Variants in CAAP1 observed in about 807,000 individuals in gnomAD.
CAAP1 encodes conserved anti-apoptotic protein.
In CAAP1, 20 loss-of-function variants were observed where a neutral mutation model predicts 34.0. That is an observed-to-expected ratio of 0.59 (90% CI 0.41 to 0.86). The LOEUF (loss-of-function observed/expected upper bound fraction) is 0.86, where lower values mean the gene tolerates loss of function less well. Ranked by LOEUF, CAAP1 falls within the 40% of genes least tolerant of loss-of-function variation. The probability of loss-of-function intolerance (pLI) is 0.00; values close to 1 mark genes in which losing one functional copy is unlikely to be tolerated. For missense variants in CAAP1, 538 were observed against 450.5 expected (o/e 1.19, Z -1.76); for synonymous variants, 213 against 166.7 (o/e 1.28, Z -2.14).
intron 5 of CAAP1, among the ~76,000 whole-genome samples, chr9:26,845,750 G>A (rs1224650112): frequency 6.6e-6 from 1 of 152,124 alleles, no homozygotes; most frequent in African/African-American, 2.4e-5. Context: ...TGGCTGCAGT[G>A]TCCACATTAG....
At chr9:26,886,742 G>A (rs1024114411) in intron 2 of CAAP1, among the ~76,000 whole-genome samples, 2 of 152,164 alleles carry the variant, frequency 1.3e-5, no homozygotes, top group African/African-American at 4.8e-5. Flanking sequence ...GTCCAATTTA[G>A]TTACTATCAT....
intron 4 of CAAP1, among the ~76,000 whole-genome samples, chr9:26,880,886 C>G (rs10812487): frequency 0.3 from 45,664 of 151,826 alleles, 8,310 homozygotes; most frequent in East Asian, 0.75. Context: ...ATGTTGGCCA[C>G]GCTGGTCTCA....
At chr9:26,866,584 A>G (rs1180047701) in intron 4 of CAAP1, among the ~76,000 whole-genome samples, 1 of 152,230 alleles carries the variant, frequency 6.6e-6, no homozygotes, top group African/African-American at 2.4e-5. Flanking sequence ...ACACTCTGGT[A>G]TAACATTTCT....
chr9:26,847,361 C>A (rs1822642501), intron 5 of CAAP1, among the ~76,000 whole-genome samples: 1 of 151,294 alleles, frequency 6.6e-6, no homozygotes, highest in African/African-American at 2.4e-5. Context: ...ACTACAGGCG[C>A]CCGCCACCAC....
chr9:26,866,856 T>G (rs929001968), intron 4 of CAAP1, among the ~76,000 whole-genome samples: 1 of 152,142 alleles, frequency 6.6e-6, no homozygotes, highest in African/African-American at 2.4e-5. Context: ...TTACCCAAAA[T>G]CAATATACTG....
intron 4 of CAAP1, among the ~76,000 whole-genome samples, chr9:26,872,828 C>A (rs1343988848): frequency 6.6e-6 from 1 of 151,690 alleles, no homozygotes; most frequent in Non-Finnish European, 1.5e-5. Context: ...ATACATATTG[C>A]CTAAATGTAA....
chr9:26,883,821 G>T (rs1355384356), intron 4 of CAAP1, among the ~76,000 whole-genome samples: 1 of 152,060 alleles, frequency 6.6e-6, no homozygotes, highest in Non-Finnish European at 1.5e-5. Flanking sequence ...TAAACTAGTG[G>T]AACTAAATTA....
intron 4 of CAAP1, among the ~76,000 whole-genome samples, chr9:26,864,780 G>T (rs17755875): frequency 0.21 from 31,941 of 152,144 alleles, 4,004 homozygotes; most frequent in Admixed American, 0.27. Context: ...AGATCACTTT[G>T]TATGGACATT....
At chr9:26,874,099 C>T (rs576254385) in intron 4 of CAAP1, among the ~76,000 whole-genome samples, 39 of 146,896 alleles carry the variant, frequency 2.7e-4, no homozygotes, top group African/African-American at 9.1e-4. Context: ...CCCAGCTGCT[C>T]GGGAGGCTGA....
intron 5 of CAAP1, among the ~76,000 whole-genome samples, chr9:26,847,979 T>C (rs62544399): frequency 0.071 from 10,860 of 152,262 alleles, 438 homozygotes; most frequent in Middle Eastern, 0.15. Flanking sequence ...CACCAGTATC[T>C]AAATAATCCA....
intron 4 of CAAP1, among the ~76,000 whole-genome samples, chr9:26,871,689 C>T (rs1823278935): frequency 6.6e-6 from 1 of 150,736 alleles, no homozygotes; most frequent in African/African-American, 2.4e-5. Flanking sequence ...TTTGGGAAGC[C>T]GAGGTGGGTG....
chr9:26,847,198 A>ATATTTT (rs1554649570), intron 5 of CAAP1, among the ~76,000 whole-genome samples: 23 of 34,752 alleles, frequency 6.6e-4, no homozygotes, highest in African/African-American at 2.6e-3. Context: ...AAAAAGCAAT[A>ATATTTT]TTTTTTTTTT....
chr9:26,854,549 T>C (rs966013832), intron 5 of CAAP1, among the ~76,000 whole-genome samples: 1 of 152,190 alleles, frequency 6.6e-6, no homozygotes, highest in African/African-American at 2.4e-5. Flanking sequence ...TGAATAAACA[T>C]AGTATGTACC....
chr9:26,884,735 A>C, intron 4 of CAAP1, 75 bp downstream of exon 4: 1 of 1,002,824 alleles, frequency 1.0e-6, no homozygotes. Flanking sequence ...AAAAACAATC[A>C]TATCTTTGAC....
chr9:26,878,044 C>T (rs1323744024), intron 4 of CAAP1, among the ~76,000 whole-genome samples: 1 of 152,022 alleles, frequency 6.6e-6, no homozygotes, highest in African/African-American at 2.4e-5. Context: ...TTCCATCTTT[C>T]ATATTTTTGC....
At chr9:26,851,254 G>C (rs1417702506) in intron 5 of CAAP1, among the ~76,000 whole-genome samples, 29 of 152,148 alleles carry the variant, frequency 1.9e-4, no homozygotes. Flanking sequence ...AAAAATCAGG[G>C]AGATATTCAT....
At chr9:26,855,122 T>C (rs1822838942) in intron 5 of CAAP1, among the ~76,000 whole-genome samples, 1 of 152,228 alleles carries the variant, frequency 6.6e-6, no homozygotes, top group African/African-American at 2.4e-5. Flanking sequence ...AACAAACTGC[T>C]GTACATCCAT....
At chr9:26,885,133 G>A (rs1823702398) in intron 3 of CAAP1, among the ~76,000 whole-genome samples, 4 of 143,840 alleles carry the variant, frequency 2.8e-5, no homozygotes, top group East Asian at 2.1e-4. Context: ...CTGGTGTGCA[G>A]TGGCATGACC....
intron 1 of CAAP1, among the ~76,000 whole-genome samples, chr9:26,889,154 C>G (rs1050464852): frequency 6.6e-6 from 1 of 152,204 alleles, no homozygotes; most frequent in African/African-American, 2.4e-5. Context: ...CGGTGGCTCA[C>G]GCCTGTAATC....
Sources: gnomAD v4.1 joint callset for allele counts (sites outside exome capture counted in the v4.1 genomes callset) on GRCh38, gnomAD v4.1.1 for gene constraint, MANE v1.5 for transcripts, NCBI Gene and HGNC (gene_info 2026-07-23, HGNC 2026-07-21) for gene names.